The following CNTNAP2 variants were observed in gnomAD, a reference collection of about 807,000 sequenced individuals.
CNTNAP2 encodes contactin associated protein 2.
A neutral mutation model predicts 155.2 loss-of-function variants in CNTNAP2; 98 were observed. The observed-to-expected ratio is 0.63, with a 90% CI of 0.54 to 0.75. The LOEUF (loss-of-function observed/expected upper bound fraction) is 0.75, where lower values mean the gene tolerates loss of function less well. CNTNAP2 is among the 30% of genes least tolerant of loss of function. The pLI is 0.00. For missense variants in CNTNAP2, 1,727 were observed against 1,688.1 expected (o/e 1.02, Z -0.40); for synonymous variants, 651 against 631.2 (o/e 1.03, Z -0.47).
intron 1 of CNTNAP2, among the ~76,000 whole-genome samples, chr7:146,450,499 G>A (rs1037535456): frequency 6.6e-6 from 1 of 152,130 alleles, no homozygotes; most frequent in Non-Finnish European, 1.5e-5. Flanking sequence ...TAACTTCCTC[G>A]TGTGGCTTCT....
chr7:147,107,807 T>G (rs2129279434), intron 4 of CNTNAP2, among the ~76,000 whole-genome samples: 1 of 152,020 alleles, frequency 6.6e-6, no homozygotes, highest in East Asian at 1.9e-4. Context: ...TCTCATAATC[T>G]GTTTGAGATT....
chr7:146,190,762 C>G (rs1368125650), intron 1 of CNTNAP2, among the ~76,000 whole-genome samples: 1 of 151,890 alleles, frequency 6.6e-6, no homozygotes, highest in Non-Finnish European at 1.5e-5. Flanking sequence ...GCTCACAGCA[C>G]CAATAGTGAC....
intron 2 of CNTNAP2, among the ~76,000 whole-genome samples, chr7:146,780,710 A>G (rs940101241): frequency 2.0e-5 from 3 of 152,114 alleles, no homozygotes; most frequent in Admixed American, 6.6e-5. Context: ...GAATAAGTTC[A>G]TGTCCTTTGC....
chr7:146,638,776 C>T (rs1050146442), intron 1 of CNTNAP2, among the ~76,000 whole-genome samples: 4 of 151,902 alleles, frequency 2.6e-5, no homozygotes, highest in Non-Finnish European at 4.4e-5. Context: ...TGAGCCACCG[C>T]GCCCGGCCAG....
intron 1 of CNTNAP2, among the ~76,000 whole-genome samples, chr7:146,645,126 G>T (rs964213164): frequency 5.3e-5 from 8 of 152,176 alleles, no homozygotes; most frequent in African/African-American, 1.9e-4. Context: ...CTTGAAGGAT[G>T]CACTGATATG....
intron 3 of CNTNAP2, among the ~76,000 whole-genome samples, chr7:146,840,208 G>T (rs1244604483): frequency 6.6e-6 from 1 of 152,182 alleles, no homozygotes; most frequent in Non-Finnish European, 1.5e-5. Flanking sequence ...AGTGATTAAT[G>T]ATACTGATAA....
intron 13 of CNTNAP2, among the ~76,000 whole-genome samples, chr7:147,811,646 T>C (rs1035058524): frequency 1.3e-5 from 2 of 152,138 alleles, no homozygotes; most frequent in Non-Finnish European, 2.9e-5. Flanking sequence ...CTTAAACCCT[T>C]TGGGAAAGAG....
intron 1 of CNTNAP2, among the ~76,000 whole-genome samples, chr7:146,432,765 A>G (rs1796190041): frequency 6.6e-6 from 1 of 152,174 alleles, no homozygotes; most frequent in African/African-American, 2.4e-5. Context: ...AGCAAAACCA[A>G]AACTGCAGGT....
rs920776217 is a variant in CNTNAP2 at position 146,769,171 on chromosome 7, C to T, written c.98-5100C>T. Among the ~76,000 whole-genome samples the T allele has an allele frequency of 1.8e-4, 27 of 152,210 alleles. 1 individual carries two copies. The highest frequency in any genetic ancestry group is 8.3e-4 in the South Asian group (4 of 4,832). On this transcript the variant is annotated intron_variant, in intron 1 of 23. Coordinates refer to ENST00000361727, the MANE Select transcript of CNTNAP2 (RefSeq NM_014141.6). ...TCCAAGATTCCCTGGAAGGGAAGTA[C>T]GCTGGAGACCAAATATTTGCCATTG...
rs960200388 is a variant in CNTNAP2 at position 147,427,756 on chromosome 7, C to G, written c.1670+31976C>G. Among the ~76,000 whole-genome samples the G allele has an allele frequency of 1.8e-4, 27 of 152,142 alleles. 1 individual carries two copies. Among genetic ancestry groups the G allele is most frequent in the African/African-American group, 6.3e-4 (26 of 41,420 alleles). On this transcript the variant is annotated intron_variant, in intron 10 of 23. Coordinates refer to ENST00000361727, the MANE Select transcript of CNTNAP2 (RefSeq NM_014141.6). ...ATTTACAAATGCAGGTACATGCACT[C>G]TCTGCCTGTTATTCATTTTCCAAGA...
chr7:147,186,937 A>G (rs1802578787), intron 8 of CNTNAP2, among the ~76,000 whole-genome samples: 1 of 95,540 alleles, frequency 1.0e-5, no homozygotes, highest in African/African-American at 2.7e-5. Context: ...GACTTGTTAA[A>G]CTGAAGGTTG....
intron 8 of CNTNAP2, among the ~76,000 whole-genome samples, chr7:147,170,259 T>G (rs1031804148): frequency 6.6e-6 from 1 of 152,070 alleles, no homozygotes; most frequent in African/African-American, 2.4e-5. Context: ...TAGATGGTGC[T>G]TTAGAGCTAT....
At chr7:147,313,603 T>C (rs1795166060) in intron 9 of CNTNAP2, among the ~76,000 whole-genome samples, 1 of 150,980 alleles carries the variant, frequency 6.6e-6, no homozygotes, top group Admixed American at 6.6e-5. Context: ...GAGGGCTCTG[T>C]TCTGTTCCAT....
At chr7:146,967,274 C>T (rs1466514160) in intron 3 of CNTNAP2, among the ~76,000 whole-genome samples, 1 of 152,072 alleles carries the variant, frequency 6.6e-6, no homozygotes, top group African/African-American at 2.4e-5. Flanking sequence ...TGTTCATATG[C>T]ATGTAACCTA....
chr7:147,512,556 T>C (rs1799040722), intron 11 of CNTNAP2, among the ~76,000 whole-genome samples: 1 of 152,166 alleles, frequency 6.6e-6, no homozygotes, highest in South Asian at 2.1e-4. Context: ...AAAATTTTCA[T>C]GATATTGCAA....
chr7:146,892,382 T>C (rs979331542), intron 3 of CNTNAP2, among the ~76,000 whole-genome samples: 2 of 152,110 alleles, frequency 1.3e-5, no homozygotes, highest in Non-Finnish European at 2.9e-5. Flanking sequence ...AATCATTCCA[T>C]TGGTTGAAGC....
chr7:146,264,996 A>T (rs1021651485), intron 1 of CNTNAP2, among the ~76,000 whole-genome samples: 4 of 152,354 alleles, frequency 2.6e-5, no homozygotes, highest in African/African-American at 9.6e-5. Context: ...ATGAATGTGT[A>T]CTTTAATACT....
At chr7:147,463,503 G>C (rs1204743285) in intron 10 of CNTNAP2, among the ~76,000 whole-genome samples, 1 of 152,138 alleles carries the variant, frequency 6.6e-6, no homozygotes. Flanking sequence ...ATTGGAGAGA[G>C]AGTAAAATAG....
intron 13 of CNTNAP2, among the ~76,000 whole-genome samples, chr7:147,764,829 A>C (rs527936604): frequency 6.6e-6 from 1 of 152,220 alleles, no homozygotes; most frequent in Non-Finnish European, 1.5e-5. Flanking sequence ...GCTTGGTGCT[A>C]ACTAAAAAGC....
Sources: allele counts gnomAD v4.1 joint callset (sites outside exome capture counted in the v4.1 genomes callset), GRCh38; gene constraint gnomAD v4.1.1; transcripts MANE v1.5; gene names NCBI Gene and HGNC (gene_info 2026-07-23, HGNC 2026-07-21).